ZNF804B: variants seen among roughly 807,000 people sequenced by gnomAD.
The protein encoded by ZNF804B is zinc finger 804B.
In ZNF804B, 80 loss-of-function variants were observed where a neutral mutation model predicts 101.4. The observed-to-expected ratio is 0.79, with a 90% CI of 0.66 to 0.95. The LOEUF (loss-of-function observed/expected upper bound fraction) is 0.95, where lower values mean the gene tolerates loss of function less well. Ranked by LOEUF, ZNF804B falls within the 40% of genes least tolerant of loss-of-function variation. ZNF804B has a pLI of 0.00. For missense variants in ZNF804B, 1,673 were observed against 1,561.9 expected, an observed-to-expected ratio of 1.07 and a Z score of -1.20; for synonymous variants, 622 against 558.8, an observed-to-expected ratio of 1.11 and a Z score of -1.59.
chr7:88,764,296 T>C (rs1399665724), intron 1 of ZNF804B, among the ~76,000 whole-genome samples: 1 of 152,192 alleles, frequency 6.6e-6, no homozygotes, highest in African/African-American at 2.4e-5. Flanking sequence ...AAGGTTATAT[T>C]TCTTAAGAAG....
chr7:88,849,722 T>G (rs1019347844), intron 1 of ZNF804B, among the ~76,000 whole-genome samples: 2 of 151,376 alleles, frequency 1.3e-5, no homozygotes, highest in African/African-American at 4.8e-5. Flanking sequence ...TTATTTAAAT[T>G]TAAATTTTCT....
chr7:89,040,059 A>G (rs1489481214), intron 1 of ZNF804B, among the ~76,000 whole-genome samples: 1 of 151,828 alleles, frequency 6.6e-6, no homozygotes, highest in Admixed American at 6.6e-5. Context: ...TATTTATTCA[A>G]ATATACTTTT....
chr7:88,970,347 C>A (rs1401766312), intron 1 of ZNF804B, among the ~76,000 whole-genome samples: 1 of 26,260 alleles, frequency 3.8e-5, no homozygotes, highest in East Asian at 5.6e-4. Context: ...TTCTGATGCC[C>A]CCCCCCCACC....
Position 89,334,465 on chromosome 7 carries a change from G to A in ZNF804B, c.1483G>A (p.Glu495Lys). ...GAACACAAAGGAAGACCACAATCTA[G>A]AGGACTTAAAAACAGAATTGGGTAA... Reference protein sequence around the residue: ...SRNTKEDHNLEDLKTELGKKP... With the variant: ...SRNTKEDHNLKDLKTELGKKP... Residue 495 changes from glutamate (E) to lysine (K), a missense_variant, in exon 4 of 4, where the codon GAG becomes AAG. Transcript: ENST00000333190. 6.2e-7 allele frequency: 1 copy of A among 1,613,740 alleles called. No homozygotes were observed. The highest frequency in any genetic ancestry group is 1.3e-5 in the African/African-American group (1 of 74,988).
intron 1 of ZNF804B, among the ~76,000 whole-genome samples, chr7:89,187,566 A>G (rs1167120567): frequency 6.6e-6 from 1 of 152,212 alleles, no homozygotes; most frequent in Non-Finnish European, 1.5e-5. Context: ...AATGTGAGAC[A>G]TAAAATTTAC....
intron 1 of ZNF804B, among the ~76,000 whole-genome samples, chr7:89,185,496 C>T (rs1411840214): frequency 6.6e-6 from 1 of 151,298 alleles, no homozygotes; most frequent in Non-Finnish European, 1.5e-5. Context: ...ACAGTTAGTC[C>T]AGTAAATAGT....
chr7:89,034,790 G>A (rs1156999058), intron 1 of ZNF804B, among the ~76,000 whole-genome samples: 3 of 152,086 alleles, frequency 2.0e-5, no homozygotes, highest in Non-Finnish European at 4.4e-5. Flanking sequence ...TGGGTCAAAT[G>A]GTATTTCTGG....
At chr7:89,035,001 C>T (rs974153415) in intron 1 of ZNF804B, among the ~76,000 whole-genome samples, 3 of 152,138 alleles carry the variant, frequency 2.0e-5, no homozygotes, top group African/African-American at 4.8e-5. Flanking sequence ...TGAATTTCTA[C>T]AACTGCACAT....
At chr7:89,198,573 T>C (rs1788587844) in intron 1 of ZNF804B, among the ~76,000 whole-genome samples, 2 of 151,926 alleles carry the variant, frequency 1.3e-5, no homozygotes, top group South Asian at 4.1e-4. Context: ...CAAGGAATAT[T>C]TTCACTGTAA....
chr7:89,335,532 G>A lies in ZNF804B; in HGVS notation c.2550G>A (p.Gln850=), dbSNP rs1476807044. ...SKKPPNCQGT[Q]HDRLDSYSIE... is the part of the protein sequence containing the mutation. ...AACCACCTAATTGCCAGGGAACTCAGCACGACAGATTGGACTCTTACTCAA... is the reference window on the plus strand; with the variant it reads ...AACCACCTAATTGCCAGGGAACTCAACACGACAGATTGGACTCTTACTCAA... The change falls in exon 4 of 4, where the codon CAG becomes CAA. Residue 850 remains glutamine (Q), a synonymous_variant. Transcript: ENST00000333190. 2 of 1,613,918 alleles carry A rather than the reference G, an allele frequency of 1.2e-6. No individual in the cohort carries two copies. The highest frequency in any genetic ancestry group is 1.7e-6 in the Non-Finnish European group (2 of 1,179,944).
At chr7:88,900,938 A>G (rs915710956) in intron 1 of ZNF804B, among the ~76,000 whole-genome samples, 9 of 151,936 alleles carry the variant, frequency 5.9e-5, no homozygotes, top group African/African-American at 2.2e-4. Flanking sequence ...TAGTACATAC[A>G]GAATTCTCAA....
At chr7:88,964,435 ATAT>A (rs1283918833) in intron 1 of ZNF804B, among the ~76,000 whole-genome samples, 2 of 151,634 alleles carry the variant, frequency 1.3e-5, no homozygotes, top group African/African-American at 2.4e-5. Flanking sequence ...AAAATGGGAA[ATAT>A]TATATAATTC....
At chr7:88,854,418 T>TTTCTTCCTTC (rs1562812575) in intron 1 of ZNF804B, among the ~76,000 whole-genome samples, 1 of 85,178 alleles carries the variant, frequency 1.2e-5, no homozygotes, top group African/African-American at 4.4e-5. Context: ...TTTCTTCCTT[T>TTTCTTCCTTC]CTTTCTTTCT....
chr7:88,902,996 C>T (rs1792415112), intron 1 of ZNF804B, among the ~76,000 whole-genome samples: 1 of 152,050 alleles, frequency 6.6e-6, no homozygotes, highest in Non-Finnish European at 1.5e-5. Flanking sequence ...AGGTTTGTTA[C>T]ATGGATATAT....
At chr7:89,092,103 G>A (rs925850047) in intron 1 of ZNF804B, among the ~76,000 whole-genome samples, 5 of 151,894 alleles carry the variant, frequency 3.3e-5, no homozygotes, top group Middle Eastern at 3.4e-3. Context: ...AAATCAAGGG[G>A]CCAAAACATG....
chr7:89,033,825 T>G (rs1023169083), intron 1 of ZNF804B, among the ~76,000 whole-genome samples: 1 of 152,088 alleles, frequency 6.6e-6, no homozygotes, highest in Admixed American at 6.6e-5. Flanking sequence ...AATAAATAGG[T>G]GAAAGGTCTT....
intron 1 of ZNF804B, among the ~76,000 whole-genome samples, chr7:88,786,534 A>T (rs1790305434): frequency 6.6e-6 from 1 of 152,084 alleles, no homozygotes; most frequent in Admixed American, 6.6e-5. Flanking sequence ...CTTTTAGCTT[A>T]ATTTATTTTA....
At chr7:88,848,357 G>T (rs1791405275) in intron 1 of ZNF804B, among the ~76,000 whole-genome samples, 1 of 152,134 alleles carries the variant, frequency 6.6e-6, no homozygotes, top group African/African-American at 2.4e-5. Flanking sequence ...CAAATGAGTA[G>T]CATGAGTATT....
intron 2 of ZNF804B, among the ~76,000 whole-genome samples, chr7:89,272,795 C>T (rs1321872180): frequency 3.9e-5 from 6 of 152,022 alleles, no homozygotes; most frequent in African/African-American, 1.4e-4. Context: ...ACACCACCTA[C>T]CATCAGATCA....
Sources: gnomAD v4.1 joint callset for allele counts (sites outside exome capture counted in the v4.1 genomes callset) on GRCh38, gnomAD v4.1.1 for gene constraint, MANE v1.5 for transcripts, NCBI Gene and HGNC (gene_info 2026-07-23, HGNC 2026-07-21) for gene names.